The following RUNX2 variants were observed in gnomAD, a reference collection of about 807,000 sequenced individuals.
RUNX2 encodes RUNX family transcription factor 2, also known as runt-related transcription factor 2.
Under a neutral mutation model 51.7 loss-of-function variants are expected in RUNX2, and 10 were observed. The observed-to-expected ratio is 0.19, with a 90% CI of 0.12 to 0.33. The LOEUF (loss-of-function observed/expected upper bound fraction) is 0.33, where lower values mean the gene tolerates loss of function less well. RUNX2 is among the 10% of genes least tolerant of loss of function. The probability of loss-of-function intolerance (pLI) is 1.00; values close to 1 mark genes in which losing one functional copy is unlikely to be tolerated. For missense variants in RUNX2, 562 were observed against 691.3 expected, an observed-to-expected ratio of 0.81 and a Z score of 2.10; for synonymous variants, 276 against 273.6, an observed-to-expected ratio of 1.01 and a Z score of -0.09.
At chr6:45,533,984 T>C (rs1237703545) in intron 7 of RUNX2, among the ~76,000 whole-genome samples, 5 of 142,126 alleles carry the variant, frequency 3.5e-5, no homozygotes, top group Non-Finnish European at 7.5e-5. Context: ...AACCTCCGCC[T>C]CCTGGGTTCA....
chr6:45,361,168 TTTA>T (rs1794188990), intron 2 of RUNX2, among the ~76,000 whole-genome samples: 1 of 152,180 alleles, frequency 6.6e-6, no homozygotes, highest in Admixed American at 6.5e-5. Context: ...TAAAATGTAT[TTTA>T]TTATATATAA....
chr6:45,454,467 G>T (rs1336578085), intron 5 of RUNX2, among the ~76,000 whole-genome samples: 2 of 152,150 alleles, frequency 1.3e-5, no homozygotes, highest in African/African-American at 4.8e-5. Context: ...TACCACTTTT[G>T]CTAAATGCCT....
At chr6:45,431,781 C>T in intron 3 of RUNX2, 82 bp from the exon 4 acceptor site, 1 of 1,470,746 alleles carries the variant, frequency 6.8e-7, no homozygotes. Context: ...TGATAAGACA[C>T]ATCATTTGCA....
At chr6:45,504,037 T>TC (rs962821201) in intron 6 of RUNX2, among the ~76,000 whole-genome samples, 4 of 152,154 alleles carry the variant, frequency 2.6e-5, no homozygotes, top group South Asian at 2.1e-4. Flanking sequence ...TGCTTTTTTT[T>TC]CTCAGATTTC....
At chr6:45,373,879 G>A (rs912422651) in intron 2 of RUNX2, among the ~76,000 whole-genome samples, 7 of 152,172 alleles carry the variant, frequency 4.6e-5, no homozygotes, top group Admixed American at 3.9e-4. Flanking sequence ...ATTTGTAAAA[G>A]AGAACTGTCT....
chr6:45,487,774 T>C (rs1800328344), intron 5 of RUNX2, among the ~76,000 whole-genome samples: 1 of 152,194 alleles, frequency 6.6e-6, no homozygotes, highest in African/African-American at 2.4e-5. Flanking sequence ...GGCACTGAAC[T>C]AGGTTGTGAG....
At chr6:45,511,792 G>C (rs1801159069) in intron 6 of RUNX2, among the ~76,000 whole-genome samples, 1 of 152,214 alleles carries the variant, frequency 6.6e-6, no homozygotes, top group South Asian at 2.1e-4. Flanking sequence ...ATATGCAGCA[G>C]CGAAAGGCAC....
chr6:45,470,997 A>G (rs558123247), intron 5 of RUNX2, among the ~76,000 whole-genome samples: 1 of 152,370 alleles, frequency 6.6e-6, no homozygotes, highest in African/African-American at 2.4e-5. Context: ...AAAAGCTTAC[A>G]TAATAATGGC....
chr6:45,348,017 A>G (rs888624704), intron 2 of RUNX2, among the ~76,000 whole-genome samples: 1 of 151,986 alleles, frequency 6.6e-6, no homozygotes, highest in Non-Finnish European at 1.5e-5. Context: ...ATAGGTATGT[A>G]TGCATGTGTA....
intron 2 of RUNX2, chr6:45,421,631 C>G (rs1413062218): frequency 6.6e-6 from 1 of 152,276 alleles, no homozygotes; most frequent in Non-Finnish European, 1.5e-5. Flanking sequence ...CGGCTTCAAT[C>G]TCTTCCTACA....
chr6:45,513,609 G>A (rs1582193291), intron 7 of RUNX2: 2 of 152,322 alleles, frequency 1.3e-5, no homozygotes, highest in Admixed American at 1.3e-4. Context: ...GGGCTCTCTG[G>A]TCCTAGTGCC....
chr6:45,402,321 G>A (rs769566610), intron 2 of RUNX2, among the ~76,000 whole-genome samples: 15 of 152,146 alleles, frequency 9.9e-5, no homozygotes, highest in Non-Finnish European at 2.1e-4. Flanking sequence ...TATACCATAA[G>A]TAGCATTATG....
chr6:45,407,054 T>G (rs1563072374), intron 2 of RUNX2, among the ~76,000 whole-genome samples: 1 of 152,234 alleles, frequency 6.6e-6, no homozygotes, highest in Non-Finnish European at 1.5e-5. Flanking sequence ...ATCTGATCTC[T>G]GAACCAATTC....
chr6:45,342,281 G>C (rs77845374), intron 2 of RUNX2, among the ~76,000 whole-genome samples: 1 of 149,010 alleles, frequency 6.7e-6, no homozygotes, highest in Non-Finnish European at 1.5e-5. Flanking sequence ...TTTTTTTTTT[G>C]AGACAGTGTG....
chr6:45,335,682 T>C (rs1788401313), intron 2 of RUNX2, among the ~76,000 whole-genome samples: 1 of 151,294 alleles, frequency 6.6e-6, no homozygotes, highest in East Asian at 1.9e-4. Context: ...TGAAAGTACA[T>C]AAGCATTTCA....
At chr6:45,342,512 G>A (rs1790009444) in intron 2 of RUNX2, among the ~76,000 whole-genome samples, 1 of 152,048 alleles carries the variant, frequency 6.6e-6, no homozygotes, top group Admixed American at 6.6e-5. Flanking sequence ...ACCCGCCTTG[G>A]CCTCCCAAAG....
chr6:45,360,694 A>G (rs1794101227), intron 2 of RUNX2, among the ~76,000 whole-genome samples: 1 of 151,984 alleles, frequency 6.6e-6, no homozygotes, highest in Non-Finnish European at 1.5e-5. Flanking sequence ...TATCCCAAAC[A>G]CTCTCAGGAG....
chr6:45,481,441 C>T (rs890565521), intron 5 of RUNX2, among the ~76,000 whole-genome samples: 13 of 152,078 alleles, frequency 8.5e-5, no homozygotes, highest in African/African-American at 3.1e-4. Flanking sequence ...GAACATGTTA[C>T]AGAAAAAGAA....
At position 45,340,204 on chromosome 6, in the gene RUNX2, T is replaced by A. The variant is rs369305600; in HGVS notation, c.58+11420T>A. Among the ~76,000 whole-genome samples, 45 of 152,298 alleles carry A rather than the reference T, an allele frequency of 3.0e-4. 1 individual carries two copies. The highest frequency in any genetic ancestry group is 1.3e-3 in the East Asian group (7 of 5,190). On this transcript the variant is annotated intron_variant, in intron 2 of 8. Coordinates refer to ENST00000647337, the MANE Select transcript of RUNX2 (RefSeq NM_001024630.4). ...AACCAATAAAATACAAACAAGAAGA[T>A]AATCCTGGAGTCTTCAAATTACCCT...
Sources: gnomAD v4.1 joint callset for allele counts (sites outside exome capture counted in the v4.1 genomes callset) on GRCh38, gnomAD v4.1.1 for gene constraint, MANE v1.5 for transcripts, NCBI Gene and HGNC (gene_info 2026-07-23, HGNC 2026-07-21) for gene names.